Variants in OSBPL11 observed in about 807,000 individuals in gnomAD.
OSBPL11 encodes oxysterol binding protein like 11.
In OSBPL11, 33 loss-of-function variants were observed where a neutral mutation model predicts 84.4. That is an observed-to-expected ratio of 0.39 (90% CI 0.30 to 0.52). OSBPL11 has a LOEUF of 0.52. Among genes scored for constraint, OSBPL11 ranks in the 20% least tolerant of loss-of-function variants. The pLI, the probability that OSBPL11 is intolerant of heterozygous loss-of-function variation, is 0.72. For synonymous variants in OSBPL11, 276 were observed against 310.2 expected, an observed-to-expected ratio of 0.89 and a Z score of 1.16; for missense variants, 736 against 901.1, an observed-to-expected ratio of 0.82 and a Z score of 2.35.
intron 10 of OSBPL11, among the ~76,000 whole-genome samples, chr3:125,540,316 A>G (rs1329119498): frequency 8.0e-6 from 1 of 124,652 alleles, no homozygotes; most frequent in Non-Finnish European, 1.6e-5. Context: ...GCGACAGAGG[A>G]TGGCTCTGTC....
At chr3:125,581,196 G>T (rs534932831) in intron 2 of OSBPL11, among the ~76,000 whole-genome samples, 2 of 151,722 alleles carry the variant, frequency 1.3e-5, no homozygotes, top group Admixed American at 1.3e-4. Context: ...AGGTTCAAGC[G>T]ATTCTCATGC....
intron 2 of OSBPL11, among the ~76,000 whole-genome samples, chr3:125,580,476 T>G (rs1936406328): frequency 8.0e-6 from 1 of 125,666 alleles, no homozygotes; most frequent in African/African-American, 3.2e-5. Flanking sequence ...ATCGAGCCAC[T>G]GCACTCCAGC....
rs1559846902 is a variant in OSBPL11, at chr3:125,579,902, A to AGTGAAGGT, written c.364_371dup (p.Val125ProfsTer4). 1 of 1,614,218 alleles carries AGTGAAGGT rather than the reference A, an allele frequency of 6.2e-7. No individual in the cohort carries two copies. Among genetic ancestry groups the AGTGAAGGT allele is most frequent in the Non-Finnish European group, 8.5e-7 (1 of 1,180,026 alleles). Reference sequence around the variant, plus strand: ...ATTGTTCCCCACTGGCAGCGTTTACAGTGAAGGTGTGAGAATCCTCATCAC... The same window carrying AGTGAAGGT: ...ATTGTTCCCCACTGGCAGCGTTTACAGTGAAGGTGTGAAGGTGTGAGAATCCTCATCAC... On this transcript the variant is annotated frameshift_variant, in exon 3 of 13. Transcript: ENST00000296220. LOFTEE classifies it high-confidence loss of function.
intron 10 of OSBPL11, among the ~76,000 whole-genome samples, chr3:125,543,911 T>TA (rs577384801): frequency 6.6e-6 from 1 of 151,470 alleles, no homozygotes; most frequent in Non-Finnish European, 1.5e-5. Flanking sequence ...AAAATAAAAA[T>TA]AAAAAAAATA....
At chr3:125,543,979 G>A (rs1408111041) in intron 10 of OSBPL11, among the ~76,000 whole-genome samples, 1 of 152,020 alleles carries the variant, frequency 6.6e-6, no homozygotes. Context: ...ATTTATCTGG[G>A]ACTATCATTG....
chr3:125,567,396 G>A lies in OSBPL11; in HGVS notation c.866C>T (p.Ser289Leu), dbSNP rs1397873646. ...HASHQKGSLP[S>L]GTTIEWLEPK... ...CCTACCTTTAATCGACAACTTACCT[G>A]AAGGCAATGAGCCCTTCTGATGTGA... The change falls in exon 6 of 13, where the codon TCA becomes TTA. Residue 289 changes from serine to leucine, a missense_variant and splice_region_variant. Ser to Leu is a moderately radical substitution (Grantham distance 145, BLOSUM62 -2). Transcript: ENST00000296220. 14 of 1,611,816 alleles carry A rather than the reference G, an allele frequency of 8.7e-6. No individual in the cohort carries two copies. Among genetic ancestry groups the A allele is most frequent in the Non-Finnish European group, 1.2e-5 (14 of 1,178,076 alleles).
intron 7 of OSBPL11, among the ~76,000 whole-genome samples, chr3:125,562,171 CT>C (rs956293961): frequency 1.3e-5 from 2 of 152,114 alleles, no homozygotes; most frequent in South Asian, 2.1e-4. Context: ...CTGAATGCCC[CT>C]ATCCCAATAG....
chr3:125,594,928 G>A lies in OSBPL11; in HGVS notation c.-128C>T. ...GTTGCTAAATCACACGGCGGCTGGG[G>A]CGGGACTGTCAAATGGTCCAGAAAA... On this transcript the variant is annotated 5_prime_UTR_variant, in exon 1 of 13. Transcript: ENST00000296220. 1.9e-6 allele frequency: 2 copies of A among 1,030,414 alleles called. No homozygotes were observed. The highest frequency in any genetic ancestry group is 1.4e-6 in the Non-Finnish European group (1 of 718,126). 63.8% of individuals were successfully genotyped at this position (1,030,414 alleles called of 1,614,324 possible).
chr3:125,582,989 A>G lies in OSBPL11; in HGVS notation c.165-11T>C. The G allele has an allele frequency of 1.3e-6, 2 of 1,569,912 alleles. No individual in the cohort carries two copies. The highest frequency in any genetic ancestry group is 2.4e-5 in the South Asian group (2 of 83,266). ...TTTTCCATGTGATCACTATTTCAAA[A>G]TGAAAAAGCCAAAGTTAGTAAAAAT... On this transcript the variant is annotated splice_polypyrimidine_tract_variant and intron_variant, in intron 1 of 12. Coordinates refer to ENST00000296220, the MANE Select transcript of OSBPL11 (RefSeq NM_022776.5).
intron 10 of OSBPL11, among the ~76,000 whole-genome samples, chr3:125,545,459 ATTACATATGAGTT>A (rs1935796413): frequency 6.6e-6 from 1 of 152,190 alleles, no homozygotes; most frequent in South Asian, 2.1e-4. Context: ...ATCTTTAACT[ATTACATATGAGTT>A]TTTCCTAAAA....
At chr3:125,572,497 A>T (rs895323256) in intron 5 of OSBPL11, among the ~76,000 whole-genome samples, 1 of 152,136 alleles carries the variant, frequency 6.6e-6, no homozygotes, top group African/African-American at 2.4e-5. Flanking sequence ...GAATTCCCAC[A>T]TGTTGTAGGA....
chr3:125,595,031 ATC>A lies in OSBPL11; in HGVS notation c.-233_-232del, dbSNP rs1463743272. ...ACGAGGACAGATATCCTTCACATGT[ATC>A]TCTCTCCTTTCCGGCAAAAGCAAGG... On this transcript the variant is annotated 5_prime_UTR_variant, in exon 1 of 13. It removes the in-frame stop codon of an upstream open reading frame in the 5' UTR. Transcript: ENST00000296220. The A allele has an allele frequency of 8.7e-6, 4 of 457,860 alleles. No homozygotes were observed. Among genetic ancestry groups the A allele is most frequent in the Admixed American group, 3.6e-5 (1 of 28,162 alleles). The allele number at this position is 457,860 out of a possible 1,614,324, so 28.4% of individuals were successfully genotyped here.
At chr3:125,572,938 T>C (rs984008630) in intron 5 of OSBPL11, among the ~76,000 whole-genome samples, 48 of 112,948 alleles carry the variant, frequency 4.2e-4, no homozygotes, top group African/African-American at 6.8e-4. Context: ...CACACACACA[T>C]ACTTTAAAGC....
chr3:125,545,888 C>T (rs190267878), intron 10 of OSBPL11, among the ~76,000 whole-genome samples: 1 of 152,032 alleles, frequency 6.6e-6, no homozygotes, highest in Non-Finnish European at 1.5e-5. Context: ...CTGCAGAGAG[C>T]AGTTAAAAAA....
chr3:125,552,794 CA>C, intron 8 of OSBPL11, 115 bp from the exon 9 acceptor site: 1 of 1,255,042 alleles, frequency 8.0e-7, no homozygotes, highest in Non-Finnish European at 1.1e-6. Context: ...AACAAAGTCA[CA>C]AAGAAAAAGT....
At chr3:125,587,830 T>C (rs1394481272) in intron 1 of OSBPL11, among the ~76,000 whole-genome samples, 1 of 152,134 alleles carries the variant, frequency 6.6e-6, no homozygotes, top group Non-Finnish European at 1.5e-5. Context: ...TCCCAGCTAC[T>C]CAGGACACTG....
intron 5 of OSBPL11, among the ~76,000 whole-genome samples, 172 bp downstream of exon 5, chr3:125,576,017 T>C (rs1179376910): frequency 6.7e-6 from 1 of 149,090 alleles, no homozygotes; most frequent in Non-Finnish European, 1.5e-5. Flanking sequence ...ATGAGGAAAC[T>C]TAGGACACTA....
intron 10 of OSBPL11, among the ~76,000 whole-genome samples, chr3:125,542,273 G>A (rs1455572698): frequency 1.3e-5 from 2 of 151,648 alleles, no homozygotes; most frequent in Non-Finnish European, 2.9e-5. Flanking sequence ...AAAAAGTTAC[G>A]CCAATGATTA....
chr3:125,552,110 G>GAA (rs200224916), intron 9 of OSBPL11, 71 bp downstream of exon 9: 1 of 848,694 alleles, frequency 1.2e-6, no homozygotes, highest in East Asian at 4.0e-5. Flanking sequence ...TTCCTGCTTG[G>GAA]AAAAAAAAAT....
Sources: gnomAD v4.1 joint callset for allele counts (sites outside exome capture counted in the v4.1 genomes callset) on GRCh38, gnomAD v4.1.1 for gene constraint, MANE v1.5 for transcripts, NCBI Gene and HGNC (gene_info 2026-07-23, HGNC 2026-07-21) for gene names.